The following SMAP1 variants were observed in gnomAD, a reference collection of about 807,000 sequenced individuals.
SMAP1 encodes small ArfGAP 1, also known as stromal membrane-associated protein 1.
A neutral mutation model predicts 58.5 loss-of-function variants in SMAP1; 24 were observed. The ratio of observed to expected loss-of-function variants is 0.41; its 90% CI spans 0.30 to 0.58. SMAP1 has a LOEUF of 0.58. SMAP1 is among the 20% of genes least tolerant of loss of function. SMAP1 has a pLI of 0.29. For synonymous variants in SMAP1, 216 were observed against 196.6 expected (o/e 1.10, Z -0.82); for missense variants, 563 against 566.3 (o/e 0.99, Z 0.06).
At chr6:70,749,650 A>G (rs948519446) in intron 2 of SMAP1, among the ~76,000 whole-genome samples, 1 of 151,824 alleles carries the variant, frequency 6.6e-6, no homozygotes, top group Admixed American at 6.6e-5. Flanking sequence ...GTACACATAT[A>G]CAAATTTGTG....
At chr6:70,736,891 T>G (rs1765639523) in intron 2 of SMAP1, among the ~76,000 whole-genome samples, 1 of 152,208 alleles carries the variant, frequency 6.6e-6, no homozygotes, top group South Asian at 2.1e-4. Context: ...GAACATTGCT[T>G]TGGTTATTTT....
At chr6:70,728,799 A>G (rs572811390) in intron 1 of SMAP1, among the ~76,000 whole-genome samples, 2 of 152,326 alleles carry the variant, frequency 1.3e-5, no homozygotes, top group African/African-American at 4.8e-5. Context: ...GAGAGTGTAA[A>G]CTGGTAATGG....
At chr6:70,785,878 G>C (rs1036843538) in intron 4 of SMAP1, among the ~76,000 whole-genome samples, 2 of 152,218 alleles carry the variant, frequency 1.3e-5, no homozygotes, top group Non-Finnish European at 2.9e-5. Flanking sequence ...GAGGTACAAG[G>C]AGGAGCTGGT....
intron 1 of SMAP1, among the ~76,000 whole-genome samples, chr6:70,692,900 C>T (rs1224448416): frequency 6.6e-6 from 1 of 152,172 alleles, no homozygotes; most frequent in African/African-American, 2.4e-5. Flanking sequence ...TCTCCTGCCT[C>T]AGCCTCCCGA....
chr6:70,787,244 A>G (rs186667140), intron 4 of SMAP1, among the ~76,000 whole-genome samples: 68 of 152,364 alleles, frequency 4.5e-4, no homozygotes, highest in African/African-American at 1.6e-3. Context: ...CTGGCTAGCC[A>G]TATGTAGAAA....
chr6:70,826,928 G>T (rs1401675846), intron 6 of SMAP1, among the ~76,000 whole-genome samples: 1 of 99,354 alleles, frequency 1.0e-5, no homozygotes, highest in Non-Finnish European at 1.9e-5. Flanking sequence ...GAGTGAAACC[G>T]TGTCTCAAAA....
At chr6:70,801,114 A>C (rs1768830198) in intron 6 of SMAP1, among the ~76,000 whole-genome samples, 1 of 152,188 alleles carries the variant, frequency 6.6e-6, no homozygotes, top group African/African-American at 2.4e-5. Flanking sequence ...CAATAGTTGA[A>C]CTAATTTATA....
chr6:70,668,411 G>T, intron 1 of SMAP1: 1 of 1,065,508 alleles, frequency 9.4e-7, no homozygotes. Context: ...TGCCAGGGTA[G>T]CGATGCTCGG....
At chr6:70,856,348 T>C (rs1451580230) in intron 8 of SMAP1, among the ~76,000 whole-genome samples, 1 of 152,232 alleles carries the variant, frequency 6.6e-6, no homozygotes, top group Non-Finnish European at 1.5e-5. Context: ...CATTTCTGGA[T>C]AGATTAGAAG....
intron 4 of SMAP1, among the ~76,000 whole-genome samples, chr6:70,781,690 G>C (rs1767769944): frequency 6.6e-6 from 1 of 152,188 alleles, no homozygotes; most frequent in Non-Finnish European, 1.5e-5. Flanking sequence ...CTGTTTAAAA[G>C]GGTGGTAGTA....
intron 6 of SMAP1, among the ~76,000 whole-genome samples, chr6:70,833,673 TATG>T (rs938408801): frequency 1.1e-4 from 16 of 152,206 alleles, no homozygotes; most frequent in Admixed American, 3.3e-4. Context: ...CATTTTACAT[TATG>T]ATCCAGATTT....
chr6:70,858,111 T>G lies in SMAP1; in HGVS notation c.1151T>G (p.Val384Gly). The part of the protein sequence containing the change: ...NGFMGNAQTG[V>G]MPLPQNVVGP... ...TTTATGGGAAATGCACAAACTGGTG[T>G]GATGCCACTTCCTCAGAACGTTGTT... Residue 384 changes from valine to glycine, a missense_variant, in exon 10 of 11, where the codon GTG (valine) becomes GGG (glycine). Val to Gly is a moderately radical substitution (Grantham distance 109, BLOSUM62 -3). Coordinates refer to ENST00000370455, the MANE Select transcript of SMAP1 (RefSeq NM_001044305.3). The G allele has an allele frequency of 6.2e-7, 1 of 1,614,022 alleles. No homozygotes were observed. The highest frequency in any genetic ancestry group is 8.5e-7 in the Non-Finnish European group (1 of 1,179,992).
chr6:70,821,204 G>T (rs754389348), intron 6 of SMAP1, among the ~76,000 whole-genome samples: 5 of 152,100 alleles, frequency 3.3e-5, no homozygotes, highest in Non-Finnish European at 5.9e-5. Flanking sequence ...TCATGTAAAT[G>T]TAATCATACC....
At chr6:70,850,417 A>C (rs1771139100) in intron 7 of SMAP1, among the ~76,000 whole-genome samples, 1 of 152,074 alleles carries the variant, frequency 6.6e-6, no homozygotes, top group South Asian at 2.1e-4. Flanking sequence ...AAAACTGGAA[A>C]TAGTTGCTTA....
chr6:70,693,644 C>T (rs1767277675), intron 1 of SMAP1, among the ~76,000 whole-genome samples: 1 of 152,026 alleles, frequency 6.6e-6, no homozygotes, highest in Non-Finnish European at 1.5e-5. Context: ...CTGTAGATTG[C>T]TTTGGGTAGT....
At chr6:70,689,422 A>G (rs1473486641) in intron 1 of SMAP1, among the ~76,000 whole-genome samples, 1 of 152,284 alleles carries the variant, frequency 6.6e-6, no homozygotes, top group African/African-American at 2.4e-5. Flanking sequence ...TGTTCCATTG[A>G]TCTGTTTGTC....
Position 70,754,908 on chromosome 6 carries a change from G to T in SMAP1, c.253-72G>T, listed in dbSNP as rs150046141. 4.8e-3 allele frequency: 3,759 copies of T among 775,340 alleles called. 20 individuals are homozygous for T. Among genetic ancestry groups the T allele is most frequent in the Non-Finnish European group, 4.5e-3 (2,073 of 458,070 alleles). The allele number at this position is 775,340 out of a possible 1,614,324, so 48.0% of individuals were successfully genotyped here. ...TTATTTGGTATTTGTGTATATGTAT[G>T]TATGTGTATGTATGTGCAGGAATCA... On this transcript the variant is annotated intron_variant, in intron 2 of 10. Transcript: ENST00000370455.
intron 2 of SMAP1, among the ~76,000 whole-genome samples, chr6:70,742,180 G>C (rs1765843417): frequency 6.6e-6 from 1 of 152,202 alleles, no homozygotes; most frequent in South Asian, 2.1e-4. Context: ...CAACCGGGTT[G>C]AATTTCTCCT....
chr6:70,770,500 C>A (rs1331860042), intron 3 of SMAP1, among the ~76,000 whole-genome samples: 1 of 152,136 alleles, frequency 6.6e-6, no homozygotes, highest in Admixed American at 6.6e-5. Flanking sequence ...TCATTCATTT[C>A]GTCTTCCATC....
Sources: allele counts gnomAD v4.1 joint callset (sites outside exome capture counted in the v4.1 genomes callset), GRCh38; gene constraint gnomAD v4.1.1; transcripts MANE v1.5; gene names NCBI Gene and HGNC (gene_info 2026-07-23, HGNC 2026-07-21).